Variants in NUP58 observed in about 807,000 individuals in gnomAD.
The protein encoded by NUP58 is nucleoporin p58/p45.
Under a neutral mutation model 70.1 loss-of-function variants are expected in NUP58, and 17 were observed. That is an observed-to-expected ratio of 0.24 (90% CI 0.17 to 0.36). The LOEUF (loss-of-function observed/expected upper bound fraction) is 0.36. Among genes scored for constraint, NUP58 ranks in the 10% least tolerant of loss-of-function variants. NUP58 has a pLI of 1.00. For synonymous variants in NUP58, 275 were observed against 257.6 expected (o/e 1.07, Z -0.65); for missense variants, 644 against 701.5 (o/e 0.92, Z 0.93).
intron 13 of NUP58, 39 bp from the exon 14 acceptor site, chr13:25,336,897 T>C: frequency 7.3e-7 from 1 of 1,373,504 alleles, no homozygotes; most frequent in Non-Finnish European, 1.0e-6. Flanking sequence ...GGCAAATTTG[T>C]TTTTTTTCCC....
downstream of NUP58, among the ~76,000 whole-genome samples, chr13:25,342,867 G>C (rs1014947546): frequency 8.6e-5 from 13 of 151,912 alleles, no homozygotes; most frequent in African/African-American, 2.9e-4. Flanking sequence ...AAAAGTTTGT[G>C]TTCTGGACTT....
At chr13:25,313,898 A>G in intron 5 of NUP58, 147 bp downstream of exon 5, 2 of 569,846 alleles carry the variant, frequency 3.5e-6, no homozygotes, top group East Asian at 3.6e-5. Context: ...TGGTTTTCAT[A>G]CATAATTGGA....
intron 13 of NUP58, chr13:25,335,924 AATT>A (rs2031764065): frequency 1.8e-6 from 2 of 1,097,712 alleles, no homozygotes; most frequent in Non-Finnish European, 2.2e-6. Context: ...AATTTTCATA[AATT>A]ATTTATCCAA....
At chr13:25,307,013 A>G (rs1480763286) in intron 1 of NUP58, among the ~76,000 whole-genome samples, 2 of 152,082 alleles carry the variant, frequency 1.3e-5, no homozygotes, top group Middle Eastern at 3.2e-3. Context: ...CCCCAACACC[A>G]CATTGCCCCA....
rs890311801 is a variant in NUP58, at chr13:25,338,651, C to G, written c.1550C>G (p.Ser517Cys). 1.2e-6 allele frequency: 2 copies of G among 1,613,456 alleles called. No individual in the cohort carries two copies. Among genetic ancestry groups the G allele is most frequent in the African/African-American group, 1.3e-5 (1 of 74,992 alleles). ...SSNLGGFGTS[S>C]GFGCSTTGAS... Reference sequence around the variant, plus strand: ...CTTCCACTAGGATTTGGAACTAGCTCTGGTTTTGGATGCAGCACCACAGGG... The same window carrying G: ...CTTCCACTAGGATTTGGAACTAGCTGTGGTTTTGGATGCAGCACCACAGGG... Residue 517 changes from serine to cysteine, a missense_variant, in exon 15 of 16, where the codon TCT (serine) becomes TGT (cysteine). Physicochemically the swap from Ser to Cys is moderately radical, Grantham distance 112. Around this residue, in one of 4 missense-constraint regions of NUP58, gnomAD observed 132 missense variants for 203.9 expected, o/e 0.65. Transcript: ENST00000381736.
rs144579410 is a variant in NUP58, at chr13:25,331,868, AT to A, written c.1435+312del. The A allele has an allele frequency of 3.6e-3, 4,139 of 1,163,764 alleles. 138 individuals carry two copies. The African/African-American group carries it at 0.06, about 17-fold the overall frequency. The allele number at this position is 1,163,764 out of a possible 1,614,324, so 72.1% of individuals were successfully genotyped here. On this transcript the variant is annotated intron_variant, in intron 13 of 15. Coordinates refer to ENST00000381736, the MANE Select transcript of NUP58 (RefSeq NM_014089.4). ...GAATTACATTTAAGAATAACATTAG[AT>A]TCTGAAATCATGACTGTACCATTTA...
At chr13:25,338,571 T>G in intron 14 of NUP58, 65 bp from the exon 15 acceptor site, 4 of 1,198,066 alleles carry the variant, frequency 3.3e-6, no homozygotes, top group Non-Finnish European at 5.0e-6. Context: ...TCGGTTGTAC[T>G]TGTCCATATC....
downstream of NUP58, among the ~76,000 whole-genome samples, chr13:25,344,075 T>A (rs2032019925): frequency 6.6e-6 from 1 of 152,138 alleles, no homozygotes; most frequent in Non-Finnish European, 1.5e-5. Context: ...CAGTTAATTG[T>A]AATCCTAATT....
chr13:25,305,960 T>G (rs2030332846), intron 1 of NUP58, among the ~76,000 whole-genome samples: 1 of 152,192 alleles, frequency 6.6e-6, no homozygotes. Context: ...GTTCCTTGAC[T>G]AGGGGACATC....
chr13:25,346,827 G>A (rs1162663184), downstream of NUP58, among the ~76,000 whole-genome samples: 2 of 151,906 alleles, frequency 1.3e-5, no homozygotes, highest in African/African-American at 4.8e-5. Context: ...TATGAATATG[G>A]TTTATATTTT....
At chr13:25,326,151 C>T (rs986934796) in intron 10 of NUP58, among the ~76,000 whole-genome samples, 1 of 152,138 alleles carries the variant, frequency 6.6e-6, no homozygotes, top group Admixed American at 6.6e-5. Flanking sequence ...TTCATAATGC[C>T]CATGATATTC....
chr13:25,317,443 A>G (rs548268223), intron 6 of NUP58, among the ~76,000 whole-genome samples: 19 of 152,298 alleles, frequency 1.2e-4, no homozygotes, highest in Non-Finnish European at 2.4e-4. Flanking sequence ...GCTTTTGTAG[A>G]GCTCCACGTG....
intron 13 of NUP58, chr13:25,336,032 C>G: frequency 8.6e-7 from 1 of 1,163,224 alleles, no homozygotes; most frequent in Non-Finnish European, 1.1e-6. Context: ...CTATTCTTGC[C>G]AAACAAACTC....
intron 4 of NUP58, 64 bp downstream of exon 4, chr13:25,313,096 C>A (rs2137743242): frequency 5.3e-6 from 8 of 1,514,738 alleles, no homozygotes; most frequent in South Asian, 1.2e-5. Context: ...GGTTAGAGAA[C>A]ATAGATAGTC....
intron 12 of NUP58, among the ~76,000 whole-genome samples, chr13:25,329,835 G>C (rs909049991): frequency 1.3e-5 from 2 of 152,002 alleles, no homozygotes; most frequent in African/African-American, 4.8e-5. Context: ...ATTTTGTTTT[G>C]TTTTGTTGAG....
intron 7 of NUP58, chr13:25,320,296 C>T (rs993556800): frequency 5.5e-6 from 2 of 363,398 alleles, no homozygotes; most frequent in South Asian, 1.0e-4. Context: ...TAATAGATGC[C>T]AATCTTCTTA....
At chr13:25,308,841 G>C (rs554097683) in intron 2 of NUP58, among the ~76,000 whole-genome samples, 63 of 151,974 alleles carry the variant, frequency 4.1e-4, no homozygotes, top group Admixed American at 8.5e-4. Context: ...TACTTTTTGC[G>C]TTGATCTTCC....
chr13:25,311,485 C>T (rs1374234925), intron 3 of NUP58, among the ~76,000 whole-genome samples: 3 of 152,088 alleles, frequency 2.0e-5, no homozygotes, highest in Non-Finnish European at 4.4e-5. Flanking sequence ...AAACAATTCT[C>T]CTGTCTCAGC....
chr13:25,306,595 A>T lies in NUP58; in HGVS notation c.108-1211A>T, dbSNP rs535380604. On this transcript the variant is annotated intron_variant, in intron 1 of 15. Transcript: ENST00000381736. ...GACATTGGGTTCTCCCATGGTGATT[A>T]TTCTTTATGGAAGGGCAGCAAAGGA... Among the ~76,000 whole-genome samples, 4 of 152,244 alleles carry T rather than the reference A, an allele frequency of 2.6e-5. No individual in the cohort carries two copies. In the South Asian group the frequency reaches 6.2e-4, roughly 24 times the overall value.
Sources: allele counts gnomAD v4.1 joint callset (sites outside exome capture counted in the v4.1 genomes callset), GRCh38; gene constraint gnomAD v4.1.1; regional missense constraint gnomAD v4.1.1; transcripts MANE v1.5; gene names NCBI Gene and HGNC (gene_info 2026-07-23, HGNC 2026-07-21).